UGGT2: variants seen among roughly 807,000 people sequenced by gnomAD.
The protein encoded by UGGT2 is UDP-glucose:glycoprotein glucosyltransferase 2.
UGGT2 carries 180 observed loss-of-function variants against 192.1 expected under a neutral mutation model. The observed-to-expected ratio is 0.94, with a 90% confidence interval of 0.83 to 1.06. UGGT2 has a LOEUF of 1.06. Ranked by LOEUF, UGGT2 falls within the 50% of genes least tolerant of loss-of-function variation. The pLI is 0.00. For synonymous variants in UGGT2, 580 were observed against 591.0 expected (o/e 0.98, Z 0.27); for missense variants, 1,849 against 1,795.7 (o/e 1.03, Z -0.54).
chr13:95,903,454 C>G (rs2048171838), intron 20 of UGGT2, among the ~76,000 whole-genome samples: 1 of 152,162 alleles, frequency 6.6e-6, no homozygotes, highest in Non-Finnish European at 1.5e-5. Context: ...CACACCCTCC[C>G]ACTTTTCTAA....
Position 95,840,387 on chromosome 13 carries a change from T to C in UGGT2, c.4285-3185A>G, listed in dbSNP as rs1048077020. Among the ~76,000 whole-genome samples, 7 of 152,080 alleles carry C rather than the reference T, an allele frequency of 4.6e-5. No individual in the cohort carries two copies. In the South Asian group the frequency reaches 1.2e-3, roughly 27 times the overall value. ...CCCATCAAAAAGTGGGCGAAGAATA[T>C]GAACAGACGCTTCTCAAAAGAAGAC... On this transcript the variant is annotated intron_variant, in intron 36 of 38. Coordinates refer to ENST00000376747, the MANE Select transcript of UGGT2 (RefSeq NM_020121.4).
intron 20 of UGGT2, among the ~76,000 whole-genome samples, chr13:95,905,870 T>C (rs556393635): frequency 2.6e-5 from 4 of 152,296 alleles, no homozygotes; most frequent in East Asian, 1.9e-4. Context: ...CTATAATCCA[T>C]CTGGAATCAA....
At chr13:95,823,611 T>C (rs528789426) in intron 38 of UGGT2, among the ~76,000 whole-genome samples, 2 of 152,188 alleles carry the variant, frequency 1.3e-5, no homozygotes, top group East Asian at 1.9e-4. Flanking sequence ...TTGTGTAGCT[T>C]ATCTTTTCCA....
At chr13:95,996,222 C>T in intron 6 of UGGT2, 87 bp from the exon 7 acceptor site, 3 of 1,215,318 alleles carry the variant, frequency 2.5e-6, no homozygotes, top group Admixed American at 3.8e-5. Flanking sequence ...AAGAACTTGG[C>T]CAGGTGCGGC....
intron 35 of UGGT2, among the ~76,000 whole-genome samples, 190 bp downstream of exon 35, chr13:95,854,125 T>C (rs929360402): frequency 1.3e-5 from 2 of 152,186 alleles, no homozygotes; most frequent in African/African-American, 2.4e-5. Flanking sequence ...TCTCAAAAGA[T>C]TGTCATAAAG....
chr13:95,921,351 A>AG (rs2048839967), intron 20 of UGGT2, among the ~76,000 whole-genome samples: 1 of 148,952 alleles, frequency 6.7e-6, no homozygotes, highest in African/African-American at 2.5e-5. Flanking sequence ...TTAAAGTTGA[A>AG]AAAAAAAAAA....
intron 12 of UGGT2, among the ~76,000 whole-genome samples, chr13:95,958,672 G>T (rs965585193): frequency 6.6e-6 from 1 of 151,136 alleles, no homozygotes; most frequent in Non-Finnish European, 1.5e-5. Flanking sequence ...TCCATGGAAA[G>T]GAACCAATAT....
chr13:96,046,029 G>C (rs1447979284), intron 1 of UGGT2, among the ~76,000 whole-genome samples: 2 of 152,030 alleles, frequency 1.3e-5, no homozygotes, highest in African/African-American at 4.8e-5. Flanking sequence ...CACAGCCAAA[G>C]CAAGATTAAG....
chr13:96,020,634 AG>A (rs1434755633), intron 4 of UGGT2, among the ~76,000 whole-genome samples: 7 of 152,224 alleles, frequency 4.6e-5, no homozygotes, highest in Non-Finnish European at 8.8e-5. Context: ...ACTACAACAC[AG>A]TTATCAGGAG....
intron 38 of UGGT2, among the ~76,000 whole-genome samples, chr13:95,803,891 A>G (rs1406822437): frequency 6.6e-6 from 1 of 152,184 alleles, no homozygotes; most frequent in African/African-American, 2.4e-5. Context: ...CAAGATGAAT[A>G]CATAAGACAG....
intron 20 of UGGT2, among the ~76,000 whole-genome samples, chr13:95,916,165 T>C (rs1455970800): frequency 6.6e-6 from 1 of 152,192 alleles, no homozygotes; most frequent in African/African-American, 2.4e-5. Context: ...GCAATAGGTC[T>C]GTACCCCCCT....
At chr13:95,876,626 AGCTGT>A in intron 29 of UGGT2, among the ~76,000 whole-genome samples, 1 of 152,286 alleles carries the variant, frequency 6.6e-6, no homozygotes, top group East Asian at 1.9e-4. Context: ...GTATCTCTCC[AGCTGT>A]GCTGTATCAG....
At chr13:95,980,655 A>C (rs912145531) in intron 10 of UGGT2, among the ~76,000 whole-genome samples, 3 of 152,192 alleles carry the variant, frequency 2.0e-5, no homozygotes, top group African/African-American at 4.8e-5. Context: ...CTTGGTTTTT[A>C]ACTAAAGCCT....
At chr13:96,050,306 TTA>T (rs2053447449) in intron 1 of UGGT2, among the ~76,000 whole-genome samples, 1 of 152,204 alleles carries the variant, frequency 6.6e-6, no homozygotes, top group Non-Finnish European at 1.5e-5. Flanking sequence ...GATCCCTTCC[TTA>T]CACCTTATAC....
intron 29 of UGGT2, among the ~76,000 whole-genome samples, chr13:95,871,862 G>T (rs777419150): frequency 6.6e-6 from 1 of 152,190 alleles, no homozygotes; most frequent in East Asian, 1.9e-4. Flanking sequence ...TTAAGAGTCC[G>T]CAGAGAGTGA....
chr13:95,910,776 A>G (rs1309389219), intron 20 of UGGT2, among the ~76,000 whole-genome samples: 1 of 152,222 alleles, frequency 6.6e-6, no homozygotes, highest in African/African-American at 2.4e-5. Flanking sequence ...CCAAATCAAC[A>G]GAATATACAT....
At position 95,919,306 on chromosome 13, in the gene UGGT2, G is replaced by A. The variant is rs138090624; in HGVS notation, c.2295+6374C>T. On this transcript the variant is annotated intron_variant, in intron 20 of 38. Transcript: ENST00000376747. ...GAAGCATTTCCCCTTGAAAACTGGC[G>A]CAAGACAAGGATGCCCTCTCTCACC... 5.6e-4 allele frequency among the ~76,000 whole-genome samples: 85 copies of A among 152,214 alleles called. 1 individual carries two copies. The highest frequency in any genetic ancestry group is 2.7e-3 in the East Asian group (14 of 5,178).
At chr13:95,890,549 T>A (rs1224507141) in intron 25 of UGGT2, among the ~76,000 whole-genome samples, 1 of 152,148 alleles carries the variant, frequency 6.6e-6, no homozygotes, top group Non-Finnish European at 1.5e-5. Flanking sequence ...ACCTTAATGA[T>A]CCCCTTAAAG....
chr13:96,022,554 A>G (rs1276150000), intron 4 of UGGT2, among the ~76,000 whole-genome samples: 1 of 150,842 alleles, frequency 6.6e-6, no homozygotes, highest in Non-Finnish European at 1.5e-5. Context: ...TAAAGTATAA[A>G]TAATCAGGCA....
Sources: gnomAD v4.1 joint callset for allele counts (sites outside exome capture counted in the v4.1 genomes callset) on GRCh38, gnomAD v4.1.1 for gene constraint, MANE v1.5 for transcripts, NCBI Gene and HGNC (gene_info 2026-07-23, HGNC 2026-07-21) for gene names.